TMEM242: variants seen among roughly 807,000 people sequenced by gnomAD.
TMEM242 encodes the protein transmembrane protein 242, also known as UPF0463 transmembrane protein C6orf35.
In TMEM242, 10 loss-of-function variants were observed where a neutral mutation model predicts 18.2. The ratio of observed to expected loss-of-function variants is 0.55; its 90% CI spans 0.34 to 0.93. The LOEUF (loss-of-function observed/expected upper bound fraction) is 0.93. Among genes scored for constraint, TMEM242 ranks in the 40% least tolerant of loss-of-function variants. The pLI, the probability that TMEM242 is intolerant of heterozygous loss-of-function variation, is 0.02. For synonymous variants in TMEM242, 57 were observed against 69.9 expected (o/e 0.81, Z 0.92); for missense variants, 186 against 175.5 (o/e 1.06, Z -0.34).
At chr6:157,313,354 T>G (rs1554249720) in intron 3 of TMEM242, among the ~76,000 whole-genome samples, 1 of 148,816 alleles carries the variant, frequency 6.7e-6, no homozygotes. Context: ...CAGTGTGCGC[T>G]CACCTGGCCT....
chr6:157,299,689 A>G (rs1777800857), intron 3 of TMEM242: 6 of 1,610,900 alleles, frequency 3.7e-6, no homozygotes, highest in Non-Finnish European at 4.2e-6. Context: ...GGACTAAATT[A>G]AGGCGCGTTT....
chr6:157,300,123 T>TG (rs1777807812), intron 3 of TMEM242: 2 of 622,192 alleles, frequency 3.2e-6, no homozygotes, highest in Non-Finnish European at 2.9e-6. Flanking sequence ...ACAGTCCAAC[T>TG]CATGGCTGCT....
In TMEM242 at chr6:157,292,762, A is replaced by T. The variant is rs1028570287; in HGVS notation, c.*139T>A. 26 of 649,476 alleles carry T rather than the reference A, an allele frequency of 4.0e-5. No individual in the cohort carries two copies. The highest frequency in any genetic ancestry group is 6.0e-5 in the Non-Finnish European group (22 of 369,656). The allele number at this position is 649,476 out of a possible 1,614,324, so 40.2% of individuals were successfully genotyped here. On this transcript the variant is annotated 3_prime_UTR_variant, in exon 4 of 4. Coordinates refer to ENST00000400788, the MANE Select transcript of TMEM242 (RefSeq NM_018452.6). ...CACATACTCTCCTGTGATGAGGCTG[A>T]ATGCTATCCAGTGCACTGGTTCAGT...
At chr6:157,296,613 G>C (rs950624652) in intron 3 of TMEM242, among the ~76,000 whole-genome samples, 7 of 152,222 alleles carry the variant, frequency 4.6e-5, no homozygotes, top group Non-Finnish European at 1.0e-4. Context: ...AACCCAGAAA[G>C]TGGAGGTTGC....
chr6:157,315,289 C>G (rs1048851476), intron 3 of TMEM242, among the ~76,000 whole-genome samples: 2 of 152,286 alleles, frequency 1.3e-5, no homozygotes, highest in African/African-American at 4.8e-5. Flanking sequence ...AAGGTTTACC[C>G]CTTTACAGGG....
chr6:157,292,742 A>G lies in TMEM242; in HGVS notation c.*159T>C. On this transcript the variant is annotated 3_prime_UTR_variant, in exon 4 of 4. Transcript: ENST00000400788. ...ACCCTCCCCCAGCACGCACACACAT[A>G]CTCTCCTGTGATGAGGCTGAATGCT... The G allele has an allele frequency of 1.8e-6, 1 of 548,526 alleles. No homozygotes were observed. The highest frequency in any genetic ancestry group is 3.2e-6 in the Non-Finnish European group (1 of 308,280). The allele number at this position is 548,526 out of a possible 1,614,324, so 34.0% of individuals were successfully genotyped here. A position where few individuals can be genotyped will look rare whatever the true frequency, so the allele number is the denominator to read the frequency against.
At chr6:157,312,616 T>A (rs1778203734) in intron 3 of TMEM242, among the ~76,000 whole-genome samples, 2 of 151,434 alleles carry the variant, frequency 1.3e-5, no homozygotes, top group Admixed American at 6.6e-5. Flanking sequence ...TCACCTAGCC[T>A]CACCATAGTG....
chr6:157,296,425 G>C (rs1340509589), intron 3 of TMEM242, among the ~76,000 whole-genome samples: 1 of 152,176 alleles, frequency 6.6e-6, no homozygotes, highest in African/African-American at 2.4e-5. Flanking sequence ...GGTGGCTCAC[G>C]CCTGTAATCT....
At chr6:157,310,473 T>A (rs1554248296) in intron 3 of TMEM242, among the ~76,000 whole-genome samples, 1 of 151,150 alleles carries the variant, frequency 6.6e-6, no homozygotes, top group South Asian at 2.1e-4. Context: ...AGTGCCCCAG[T>A]GTGTGCTCAC....
At chr6:157,322,828 G>A (rs1554250827) in intron 1 of TMEM242, 23 bp from the exon 2 acceptor site, 1 of 1,582,526 alleles carries the variant, frequency 6.3e-7, no homozygotes, top group Non-Finnish European at 8.6e-7. Context: ...TCGGGGAGGA[G>A]GGGGGATATT....
At position 157,292,823 on chromosome 6, in the gene TMEM242, C is replaced by T. The variant is rs1172794089; in HGVS notation, c.*78G>A. On this transcript the variant is annotated 3_prime_UTR_variant, in exon 4 of 4. Coordinates refer to ENST00000400788, the MANE Select transcript of TMEM242 (RefSeq NM_018452.6). ...CCCATGTTCCTGGGAGAAATCAGTCCCAGTCCTTTTGCTGTCATGGTGTCT... is the reference window on the plus strand; with the variant it reads ...CCCATGTTCCTGGGAGAAATCAGTCTCAGTCCTTTTGCTGTCATGGTGTCT... 2 of 1,146,910 alleles carry T rather than the reference C, an allele frequency of 1.7e-6. No individual in the cohort carries two copies. Among genetic ancestry groups the T allele is most frequent in the East Asian group, 2.4e-5 (1 of 42,422 alleles). 71.0% of individuals were successfully genotyped at this position (1,146,910 alleles called of 1,614,324 possible).
chr6:157,310,737 T>A (rs868940055), intron 3 of TMEM242, among the ~76,000 whole-genome samples: 2 of 133,460 alleles, frequency 1.5e-5, no homozygotes, highest in Non-Finnish European at 3.3e-5. Context: ...CTCATCATAG[T>A]GTCCCAGTGT....
chr6:157,313,249 T>TCC (rs1778254789), intron 3 of TMEM242, among the ~76,000 whole-genome samples: 1 of 72,078 alleles, frequency 1.4e-5, no homozygotes, highest in African/African-American at 5.2e-5. Flanking sequence ...TCGCAGAGTG[T>TCC]GCTCACCTGG....
intron 3 of TMEM242, among the ~76,000 whole-genome samples, chr6:157,311,261 C>T (rs1778069516): frequency 6.6e-6 from 1 of 150,608 alleles, no homozygotes; most frequent in African/African-American, 2.4e-5. Flanking sequence ...CTCACCTAGC[C>T]TCATCATAGT....
chr6:157,300,836 C>T (rs144166578), intron 3 of TMEM242, among the ~76,000 whole-genome samples: 4,933 of 152,302 alleles, frequency 0.032, 131 homozygotes, highest in Admixed American at 0.047. Context: ...AGGTAGAAAG[C>T]TGGCAATGCA....
At chr6:157,299,782 A>G in intron 3 of TMEM242, 1 of 1,603,586 alleles carries the variant, frequency 6.2e-7, no homozygotes, top group Non-Finnish European at 8.5e-7. Flanking sequence ...TACAAACAAT[A>G]TTTGGCGTTT....
intron 3 of TMEM242, among the ~76,000 whole-genome samples, chr6:157,312,867 C>G (rs1554249466): frequency 5.3e-5 from 8 of 151,012 alleles, no homozygotes; most frequent in African/African-American, 7.3e-5. Flanking sequence ...TCATAGTGTC[C>G]CAGTGTGCAC....
intron 3 of TMEM242, among the ~76,000 whole-genome samples, chr6:157,316,746 T>G (rs947265200): frequency 7.9e-5 from 12 of 152,040 alleles, no homozygotes; most frequent in Non-Finnish European, 1.6e-4. Context: ...CATAGTGACA[T>G]GCATCTGTGG....
At chr6:157,300,322 A>AG (rs1186826888) in intron 3 of TMEM242, among the ~76,000 whole-genome samples, 4 of 152,274 alleles carry the variant, frequency 2.6e-5, no homozygotes, top group African/African-American at 9.6e-5. Flanking sequence ...GCTGAGACTA[A>AG]GGCAGTGAAG....
Sources: gnomAD v4.1 joint callset for allele counts (sites outside exome capture counted in the v4.1 genomes callset) on GRCh38, gnomAD v4.1.1 for gene constraint, MANE v1.5 for transcripts, NCBI Gene and HGNC (gene_info 2026-07-23, HGNC 2026-07-21) for gene names.